DMXL1: variants seen among roughly 807,000 people sequenced by gnomAD.
DMXL1 encodes Dmx like 1.
Under a neutral mutation model 319.2 loss-of-function variants are expected in DMXL1, and 99 were observed. The observed-to-expected ratio is 0.31, with a 90% CI of 0.26 to 0.37. DMXL1 has a LOEUF of 0.37. DMXL1 is among the 10% of genes least tolerant of loss of function. The probability of loss-of-function intolerance (pLI) is 1.00; values close to 1 mark genes in which losing one functional copy is unlikely to be tolerated. For missense variants in DMXL1, 3,745 were observed against 3,595.6 expected (o/e 1.04, Z -1.06); for synonymous variants, 1,385 against 1,235.2 (o/e 1.12, Z -2.54).
chr5:119,224,499 A>G (rs754776276), intron 37 of DMXL1, among the ~76,000 whole-genome samples: 7 of 152,034 alleles, frequency 4.6e-5, no homozygotes, highest in Non-Finnish European at 7.4e-5. Context: ...TTATCTTTAG[A>G]TCCTAGTCAG....
chr5:119,149,311 CTT>C lies in DMXL1; in HGVS notation c.3488_3489del (p.Phe1163TyrfsTer15), dbSNP rs776964485. On this transcript the variant is annotated frameshift_variant, in exon 18 of 44. Coordinates refer to ENST00000539542, the MANE Select transcript of DMXL1 (RefSeq NM_001290321.3). LOFTEE classifies it high-confidence loss of function. ...CCTGACTGTAGGAATTGGATCAAAA[CTT>C]TTTATGTATGGACCCCTGGCTGGCA... ...HILTVGIGSK[L>X]FMYGPLAGKV... 1.2e-6 allele frequency: 2 copies of C among 1,613,898 alleles called. No homozygotes were observed. Among genetic ancestry groups the C allele is most frequent in the Non-Finnish European group, 1.7e-6 (2 of 1,179,896 alleles).
At chr5:119,220,906 AGTT>A (rs767526901) in intron 36 of DMXL1, 31 bp from the exon 37 acceptor site, 2 of 1,594,424 alleles carry the variant, frequency 1.3e-6, no homozygotes, top group East Asian at 4.5e-5. Context: ...AGAAATGATG[AGTT>A]GTTTTTATTC....
chr5:119,082,895 C>G (rs1752547998), intron 1 of DMXL1, among the ~76,000 whole-genome samples: 1 of 152,204 alleles, frequency 6.6e-6, no homozygotes, highest in African/African-American at 2.4e-5. Flanking sequence ...CTCTGGTAAC[C>G]ATCAGTCTGC....
At chr5:119,118,302 A>G (rs888206570) in intron 7 of DMXL1, among the ~76,000 whole-genome samples, 1 of 152,222 alleles carries the variant, frequency 6.6e-6, no homozygotes, top group East Asian at 1.9e-4. Flanking sequence ...AGGTGCCTTT[A>G]TAGGAAGTAG....
In DMXL1 at chr5:119,146,709, G is replaced by A. The variant is rs112726860; in HGVS notation, c.2570-128G>A. 733 of 786,738 alleles carry A rather than the reference G, an allele frequency of 9.3e-4. 4 individuals carry two copies. The African/African-American group carries it at 0.012, about 13-fold the overall frequency. 48.7% of individuals were successfully genotyped at this position (786,738 alleles called of 1,614,324 possible). A position where few individuals can be genotyped will look rare whatever the true frequency, so the allele number is the denominator to read the frequency against. ...TTGAATATATTTTATAATACCACTT[G>A]TGTTTGAAGCCTTAGGTAAAAGTTT... On this transcript the variant is annotated intron_variant, in intron 15 of 43. Transcript: ENST00000539542.
intron 33 of DMXL1, among the ~76,000 whole-genome samples, chr5:119,205,847 T>C (rs191088774): frequency 4.8e-4 from 73 of 152,236 alleles, no homozygotes; most frequent in Non-Finnish European, 1.5e-4. Flanking sequence ...CCATCTCTTA[T>C]TTTTCTAAAA....
At chr5:119,190,220 C>T (rs1261589488) in intron 29 of DMXL1, among the ~76,000 whole-genome samples, 1 of 152,146 alleles carries the variant, frequency 6.6e-6, no homozygotes, top group African/African-American at 2.4e-5. Context: ...GTGCTCTGGT[C>T]ATCTATTATC....
intron 25 of DMXL1, among the ~76,000 whole-genome samples, chr5:119,173,799 A>ATATATATATATATATATATATATATAT (rs1400785907): frequency 2.3e-5 from 1 of 44,282 alleles, no homozygotes; most frequent in Non-Finnish European, 4.6e-5. Flanking sequence ...TATATATATA[A>ATATATATATATATATATATATATATAT]TGAGAGAGAG....
intron 38 of DMXL1, among the ~76,000 whole-genome samples, chr5:119,232,197 G>A (rs1786876257): frequency 6.6e-6 from 1 of 152,028 alleles, no homozygotes. Flanking sequence ...CGATTTTAGT[G>A]CAACCACCCC....
rs1322898751 is a variant in DMXL1, at chr5:119,206,085, T to G, written c.7864-749T>G. 3.9e-5 allele frequency among the ~76,000 whole-genome samples: 6 copies of G among 152,232 alleles called. No individual in the cohort carries two copies. In the South Asian group the frequency reaches 1.2e-3, roughly 32 times the overall value. On this transcript the variant is annotated intron_variant, in intron 33 of 43. Coordinates refer to ENST00000539542, the MANE Select transcript of DMXL1 (RefSeq NM_001290321.3). ...TCTTTTCTTTTCCTGTTTGGTAAAG[T>G]TTACTGGTACCTGTGTTTTAAAATA...
chr5:119,236,155 T>C (rs1282537804), intron 39 of DMXL1, among the ~76,000 whole-genome samples: 8 of 152,076 alleles, frequency 5.3e-5, no homozygotes, highest in Admixed American at 4.6e-4. Context: ...TCACTAATAA[T>C]TGAAGAAGTG....
At chr5:119,173,943 G>A (rs1053079115) in intron 25 of DMXL1, among the ~76,000 whole-genome samples, 17 of 151,044 alleles carry the variant, frequency 1.1e-4, no homozygotes, top group Non-Finnish European at 2.2e-4. Context: ...AACCAGGAGA[G>A]CTATAATTTA....
At chr5:119,173,730 A>ATGTGTGTATATATATATG (rs1775119911) in intron 25 of DMXL1, among the ~76,000 whole-genome samples, 1 of 90,888 alleles carries the variant, frequency 1.1e-5, no homozygotes, top group Non-Finnish European at 2.2e-5. Context: ...ATATATATAT[A>ATGTGTGTATATATATATG]TGTGTGTATA....
At chr5:119,120,169 G>A (rs1260877624) in intron 8 of DMXL1, among the ~76,000 whole-genome samples, 1 of 152,228 alleles carries the variant, frequency 6.6e-6, no homozygotes, top group Non-Finnish European at 1.5e-5. Flanking sequence ...AAAGTGCTGG[G>A]ATCACAGGCG....
At chr5:119,200,354 T>G (rs1780473575) in intron 32 of DMXL1, among the ~76,000 whole-genome samples, 1 of 152,230 alleles carries the variant, frequency 6.6e-6, no homozygotes, top group Admixed American at 6.5e-5. Context: ...TGCTTGTTTT[T>G]GTCAGCTTTG....
intron 19 of DMXL1, among the ~76,000 whole-genome samples, chr5:119,162,191 C>T (rs1025495224): frequency 6.6e-6 from 1 of 152,182 alleles, no homozygotes; most frequent in Non-Finnish European, 1.5e-5. Flanking sequence ...GAGACTGTTA[C>T]TCTTACCCTT....
intron 8 of DMXL1, among the ~76,000 whole-genome samples, chr5:119,119,989 T>C (rs1419400848): frequency 1.3e-5 from 2 of 151,394 alleles, no homozygotes; most frequent in Admixed American, 1.3e-4. Flanking sequence ...CAAGCAGTAG[T>C]CCCTCCTCAG....
intron 3 of DMXL1, among the ~76,000 whole-genome samples, chr5:119,104,921 G>A (rs1274176004): frequency 2.0e-5 from 3 of 152,086 alleles, no homozygotes; most frequent in African/African-American, 4.8e-5. Flanking sequence ...TAAATCTGAG[G>A]CTATTAAGAC....
At chr5:119,212,664 T>G (rs1783004442) in intron 34 of DMXL1, among the ~76,000 whole-genome samples, 1 of 152,196 alleles carries the variant, frequency 6.6e-6, no homozygotes. Context: ...TTCTTTTTTC[T>G]TCACATGTCC....
Sources: gnomAD v4.1 joint callset for allele counts (sites outside exome capture counted in the v4.1 genomes callset) on GRCh38, gnomAD v4.1.1 for gene constraint, MANE v1.5 for transcripts, NCBI Gene and HGNC (gene_info 2026-07-23, HGNC 2026-07-21) for gene names.